TRPM3: variants seen among roughly 807,000 people sequenced by gnomAD.
TRPM3 encodes transient receptor potential cation channel subfamily M member 3.
TRPM3 carries 77 observed loss-of-function variants against 181.2 expected under a neutral mutation model. The ratio of observed to expected loss-of-function variants is 0.42; its 90% CI spans 0.35 to 0.51. TRPM3 has a LOEUF of 0.51. TRPM3 is among the 20% of genes least tolerant of loss of function. TRPM3 has a pLI of 0.01. For synonymous variants in TRPM3, 745 were observed against 796.4 expected (o/e 0.94, Z 1.09); for missense variants, 1,759 against 2,196.7 (o/e 0.80, Z 3.98).
chr9:70,806,156 G>A (rs1304532168), intron 6 of TRPM3, among the ~76,000 whole-genome samples: 1 of 152,118 alleles, frequency 6.6e-6, no homozygotes, highest in Non-Finnish European at 1.5e-5. Flanking sequence ...TTTAGGACTT[G>A]AATGTTTGCC....
At chr9:70,700,490 C>G (rs2072150875) in intron 8 of TRPM3, among the ~76,000 whole-genome samples, 1 of 152,138 alleles carries the variant, frequency 6.6e-6, no homozygotes, top group African/African-American at 2.4e-5. Flanking sequence ...TCTACTGCCC[C>G]CCTGCCCTGG....
intron 7 of TRPM3, chr9:70,776,170 C>T (rs1320952785): frequency 3.3e-6 from 1 of 306,022 alleles, no homozygotes; most frequent in African/African-American, 2.1e-5. Flanking sequence ...AGTAAACCCG[C>T]ACCTTGTCTG....
chr9:70,598,304 T>C, intron 21 of TRPM3, 115 bp downstream of exon 21: 4 of 1,376,326 alleles, frequency 2.9e-6, no homozygotes, highest in Non-Finnish European at 4.0e-6. Context: ...AAAACACCTC[T>C]AGGGCCATCT....
At chr9:70,553,333 G>A in intron 22 of TRPM3, 23 bp from the exon 23 acceptor site, 1 of 1,610,300 alleles carries the variant, frequency 6.2e-7, no homozygotes, top group Non-Finnish European at 8.5e-7. Flanking sequence ...ACACACACAA[G>A]AAATGAGAAA....
intron 1 of TRPM3, among the ~76,000 whole-genome samples, chr9:71,234,987 C>T (rs1310036113): frequency 6.6e-6 from 1 of 152,174 alleles, no homozygotes; most frequent in African/African-American, 2.4e-5. Context: ...AAGGTAAGTA[C>T]TAACGTCAAA....
At chr9:71,337,656 A>C (rs1156626509) in intron 1 of TRPM3, among the ~76,000 whole-genome samples, 1 of 152,212 alleles carries the variant, frequency 6.6e-6, no homozygotes, top group African/African-American at 2.4e-5. Context: ...AGCACTGTTC[A>C]CAATAGCAAA....
At chr9:71,070,818 T>C (rs1210511397) in intron 1 of TRPM3, among the ~76,000 whole-genome samples, 2 of 152,214 alleles carry the variant, frequency 1.3e-5, no homozygotes, top group African/African-American at 4.8e-5. Context: ...CAGCACTCTC[T>C]ATCCTAGAGT....
At chr9:70,959,991 G>T (rs1159920328) in intron 1 of TRPM3, among the ~76,000 whole-genome samples, 1 of 152,120 alleles carries the variant, frequency 6.6e-6, no homozygotes, top group East Asian at 1.9e-4. Flanking sequence ...AATCATTAGG[G>T]CTTATTCTTT....
At chr9:71,314,159 C>A (rs145821353) in intron 1 of TRPM3, among the ~76,000 whole-genome samples, 176 of 152,104 alleles carry the variant, frequency 1.2e-3, no homozygotes, top group Middle Eastern at 0.01. Flanking sequence ...TAATGCCTCC[C>A]TATATTTCAA....
chr9:71,384,038 T>A (rs1183297694), intron 1 of TRPM3, among the ~76,000 whole-genome samples: 2 of 152,234 alleles, frequency 1.3e-5, no homozygotes, highest in Non-Finnish European at 2.9e-5. Flanking sequence ...TATTCTTCCA[T>A]TCCATGACGC....
At chr9:70,895,808 C>T (rs923822565) in intron 1 of TRPM3, among the ~76,000 whole-genome samples, 1 of 152,052 alleles carries the variant, frequency 6.6e-6, no homozygotes, top group Non-Finnish European at 1.5e-5. Context: ...CTCAAAACAA[C>T]CCAGAAACTA....
chr9:71,168,270 C>A (rs778368418), intron 1 of TRPM3, among the ~76,000 whole-genome samples: 8 of 152,100 alleles, frequency 5.3e-5, no homozygotes, highest in Non-Finnish European at 1.0e-4. Flanking sequence ...CTGCTATCTT[C>A]CTTTGTAATC....
chr9:71,196,891 T>A (rs999551246), intron 1 of TRPM3, among the ~76,000 whole-genome samples: 21 of 152,074 alleles, frequency 1.4e-4, no homozygotes, highest in African/African-American at 4.8e-4. Context: ...TATTATACTT[T>A]AAGTTTTAGG....
At chr9:71,155,481 T>TTTTTATTTTATTTTATTTTATTTTA (rs10688191) in intron 1 of TRPM3, among the ~76,000 whole-genome samples, 8,038 of 128,768 alleles carry the variant, frequency 0.062, 477 homozygotes, top group African/African-American at 0.12. Context: ...ACCATGCTTA[T>TTTTTATTTTATTTTATTTTATTTTA]TTTTATTTTA....
intron 3 of TRPM3, among the ~76,000 whole-genome samples, chr9:70,854,178 T>C (rs1053468528): frequency 1.3e-5 from 2 of 152,222 alleles, no homozygotes; most frequent in African/African-American, 2.4e-5. Context: ...TGTGAGTCTA[T>C]TAATTGCAAA....
intron 8 of TRPM3, among the ~76,000 whole-genome samples, chr9:70,757,747 G>A (rs1433349208): frequency 6.6e-6 from 1 of 152,146 alleles, no homozygotes; most frequent in African/African-American, 2.4e-5. Context: ...TATCTCAATA[G>A]ATGCAGAAAA....
chr9:70,545,211 C>G (rs1484450782), intron 25 of TRPM3, among the ~76,000 whole-genome samples: 2 of 152,108 alleles, frequency 1.3e-5, no homozygotes, highest in Non-Finnish European at 2.9e-5. Flanking sequence ...TTCCGTTATA[C>G]CATGGAGAGA....
chr9:71,058,931 T>C (rs2060972376), intron 1 of TRPM3, among the ~76,000 whole-genome samples: 1 of 151,408 alleles, frequency 6.6e-6, no homozygotes, highest in Non-Finnish European at 1.5e-5. Flanking sequence ...AAACCTCCAC[T>C]GGTTTAAGAT....
rs1167288061 is a variant in TRPM3 at position 70,532,850 on chromosome 9, G to GT, written c.*3102dup. 6.6e-6 allele frequency: 1 copy of GT among 152,174 alleles called. No individual in the cohort carries two copies. The highest frequency in any genetic ancestry group is 1.9e-4 in the East Asian group (1 of 5,194). 9.4% of individuals were successfully genotyped at this position (152,174 alleles called of 1,614,324 possible). On this transcript the variant is annotated 3_prime_UTR_variant, in exon 26 of 26. Coordinates refer to ENST00000677713, the MANE Select transcript of TRPM3 (RefSeq NM_001366145.2). ...TAACGTCCCCTCGATCAGGGATGTG[G>GT]TGGAATCAATGGGCTGAGCATAAGC...
Sources: gnomAD v4.1 joint callset for allele counts (sites outside exome capture counted in the v4.1 genomes callset) on GRCh38, gnomAD v4.1.1 for gene constraint, MANE v1.5 for transcripts, NCBI Gene and HGNC (gene_info 2026-07-23, HGNC 2026-07-21) for gene names.